Variants in CFAP54 observed in about 807,000 individuals in gnomAD.
CFAP54 encodes the protein cilia and flagella associated protein 54, also known as cilia- and flagella-associated protein 54.
In CFAP54, 290 loss-of-function variants were observed where a neutral mutation model predicts 370.4. The ratio of observed to expected loss-of-function variants is 0.78; its 90% CI spans 0.71 to 0.86. The LOEUF is 0.86. Ranked by LOEUF, CFAP54 falls within the 40% of genes least tolerant of loss-of-function variation. CFAP54 has a pLI of 0.00. For synonymous variants in CFAP54, 1,206 were observed against 1,236.5 expected (o/e 0.98, Z 0.52); for missense variants, 3,399 against 3,528.7 (o/e 0.96, Z 0.93).
intron 32 of CFAP54, 68 bp downstream of exon 32, chr12:96,630,719 G>A: frequency 2.0e-6 from 2 of 977,340 alleles, no homozygotes; most frequent in Non-Finnish European, 2.8e-6. Flanking sequence ...CATTATTTTG[G>A]GTACTAGGGA....
At position 96,651,754 on chromosome 12, in the gene CFAP54, A is replaced by G. The variant is rs1956860371; in HGVS notation, c.5039A>G (p.Tyr1680Cys). The G allele has an allele frequency of 6.2e-7, 1 of 1,613,610 alleles. No individual in the cohort carries two copies. The highest frequency in any genetic ancestry group is 8.5e-7 in the Non-Finnish European group (1 of 1,179,576). ...CTCTGCACCTCTGTTTTACCATTCTATTTGGGAGCAGAATTACTTATTGAC... is the reference window on the plus strand; with the variant it reads ...CTCTGCACCTCTGTTTTACCATTCTGTTTGGGAGCAGAATTACTTATTGAC... ...GFLCTSVLPF[Y>C]LGAELLIDML... Residue 1680 changes from tyrosine to cysteine, a missense_variant, in exon 36 of 68, where the codon TAT (tyrosine) becomes TGT (cysteine). By Grantham distance (194) the Tyr-to-Cys change is radical (BLOSUM62 -2). Transcript: ENST00000524981.
intron 67 of CFAP54, among the ~76,000 whole-genome samples, chr12:96,871,241 T>A (rs1479747429): frequency 6.6e-6 from 1 of 152,190 alleles, no homozygotes; most frequent in African/African-American, 2.4e-5. Context: ...AACAGCTGCA[T>A]GGTACTGGAG....
At chr12:96,794,837 G>A (rs1958742115) in intron 63 of CFAP54, among the ~76,000 whole-genome samples, 1 of 152,144 alleles carries the variant, frequency 6.6e-6, no homozygotes, top group South Asian at 2.1e-4. Context: ...TACCAGAATT[G>A]TTTTTCTGGT....
chr12:96,545,750 A>T (rs2136392639), intron 14 of CFAP54, among the ~76,000 whole-genome samples: 1 of 152,270 alleles, frequency 6.6e-6, no homozygotes, highest in South Asian at 2.1e-4. Context: ...CTTTTTGTCC[A>T]ATCGCATTTC....
chr12:96,686,645 C>T (rs1357403565), intron 42 of CFAP54, among the ~76,000 whole-genome samples: 2 of 152,122 alleles, frequency 1.3e-5, no homozygotes, highest in African/African-American at 4.8e-5. Flanking sequence ...GATGTGAACT[C>T]ACTCATCACC....
intron 63 of CFAP54, among the ~76,000 whole-genome samples, chr12:96,799,837 G>A (rs912471456): frequency 2.0e-5 from 3 of 152,122 alleles, no homozygotes; most frequent in Non-Finnish European, 2.9e-5. Context: ...ATCATAAATA[G>A]CATTTTTTAA....
intron 3 of CFAP54, 66 bp from the exon 4 acceptor site, chr12:96,506,862 C>A: frequency 7.2e-7 from 1 of 1,386,978 alleles, no homozygotes; most frequent in Non-Finnish European, 9.6e-7. Context: ...GCTGGGATTA[C>A]AGGTGTGAGC....
intron 17 of CFAP54, among the ~76,000 whole-genome samples, chr12:96,563,376 A>G (rs1955835143): frequency 6.6e-6 from 1 of 152,100 alleles, no homozygotes; most frequent in Non-Finnish European, 1.5e-5. Flanking sequence ...TGCCAGACTG[A>G]TGTTCCCTAC....
intron 59 of CFAP54, 48 bp from the exon 60 acceptor site, chr12:96,765,029 G>T: frequency 1.6e-6 from 2 of 1,287,046 alleles, no homozygotes; most frequent in South Asian, 2.6e-5. Context: ...GATAATCTAT[G>T]AATTAGAAAG....
At position 96,554,764 on chromosome 12, in the gene CFAP54, A is replaced by G. The variant is rs1955734743; in HGVS notation, c.2372A>G (p.Gln791Arg). The change falls in exon 17 of 68, where the codon CAG (glutamine) becomes CGG (arginine). Residue 791 changes from glutamine to arginine, a missense_variant. Coordinates refer to ENST00000524981, the MANE Select transcript of CFAP54 (RefSeq NM_001306084.2). ...MDLHLELIQA[Q>R]HRIAVVLLDK... is the part of the protein sequence containing the mutation. ...TTGCATCTTGAACTAATTCAAGCTC[A>G]GCATCGAATAGCTGTTGTGCTTCTG... The G allele has an allele frequency of 6.5e-7, 1 of 1,534,808 alleles. No homozygotes were observed. The highest frequency in any genetic ancestry group is 2.0e-5 in the Admixed American group (1 of 50,924).
At chr12:96,495,273 CTTCCTTCCTTCCTTCCTTCT>C (rs1485522691) in intron 1 of CFAP54, among the ~76,000 whole-genome samples, 12 of 79,612 alleles carry the variant, frequency 1.5e-4, no homozygotes, top group Non-Finnish European at 2.3e-4. Flanking sequence ...TCCTTCCTTC[CTTCCTTCCTTCCTTCCTTCT>C]TTCCTTCCTT....
chr12:96,593,413 G>A (rs1370129821), intron 24 of CFAP54, among the ~76,000 whole-genome samples: 1 of 151,910 alleles, frequency 6.6e-6, no homozygotes, highest in Non-Finnish European at 1.5e-5. Context: ...TGTTACATGG[G>A]ACTATGCCAG....
chr12:96,601,465 C>G (rs1468224625), intron 26 of CFAP54, among the ~76,000 whole-genome samples: 1 of 152,174 alleles, frequency 6.6e-6, no homozygotes, highest in East Asian at 1.9e-4. Context: ...TGATGCTGAC[C>G]TCACAAAATG....
Position 96,589,748 on chromosome 12 carries a change from T to C in CFAP54, c.3212+185T>C, listed in dbSNP as rs1274284686. Among the ~76,000 whole-genome samples, 8 of 152,060 alleles carry C rather than the reference T, an allele frequency of 5.3e-5. No homozygotes were observed. In the South Asian group the frequency reaches 1.4e-3, roughly 28 times the overall value. On this transcript the variant is annotated intron_variant, in intron 23 of 67. Transcript: ENST00000524981. ...TGTGCTTGTTAGAAACTTTCTTTCTTTCTTTCTTTCTTTTTTTTAATACTC... is the reference window on the plus strand; with the variant it reads ...TGTGCTTGTTAGAAACTTTCTTTCTCTCTTTCTTTCTTTTTTTTAATACTC...
In CFAP54 at chr12:96,643,168, A is replaced by G. The variant is rs1387920870; in HGVS notation, c.4317-1010A>G. Among the ~76,000 whole-genome samples, 7 of 152,328 alleles carry G rather than the reference A, an allele frequency of 4.6e-5. No homozygotes were observed. The South Asian group carries it at 1.5e-3, about 32-fold the overall frequency. On this transcript the variant is annotated intron_variant, in intron 32 of 67. Transcript: ENST00000524981. ...TAAAAAGATTCACATTTATTGGGAA[A>G]CCAAATAACATCACTAAAACCAACT... is the stretch of plus-strand genomic sequence containing the variant.
intron 9 of CFAP54, among the ~76,000 whole-genome samples, chr12:96,529,799 G>A (rs1955421365): frequency 6.6e-6 from 1 of 151,952 alleles, no homozygotes. Context: ...TTCTCTTAAT[G>A]ATATCCATTG....
intron 15 of CFAP54, among the ~76,000 whole-genome samples, chr12:96,552,825 C>T (rs1955709614): frequency 6.6e-6 from 1 of 152,118 alleles, no homozygotes; most frequent in Non-Finnish European, 1.5e-5. Flanking sequence ...AGGGGGGAAA[C>T]CTGGAACTAT....
chr12:96,649,918 A>G lies in CFAP54; in HGVS notation c.4718A>G (p.Asn1573Ser), dbSNP rs369812370. 8.2e-5 allele frequency: 132 copies of G among 1,602,688 alleles called. No homozygotes were observed. The African/African-American group carries it at 1.7e-3, about 20-fold the overall frequency. Reference sequence around the variant, plus strand: ...GCTGAAGAATTTTCTACATTTATTAATTCCATAATGAGTGATGAAAATATG... The same window carrying G: ...GCTGAAGAATTTTCTACATTTATTAGTTCCATAATGAGTGATGAAAATATG... ...SDAEEFSTFI[N>S]SIMSDENMSK... The change falls in exon 35 of 68, where the codon AAT becomes AGT. Residue 1573 changes from asparagine (N) to serine (S), a missense_variant. Transcript: ENST00000524981.
chr12:96,680,142 A>G (rs984009617), intron 40 of CFAP54, among the ~76,000 whole-genome samples: 1 of 152,354 alleles, frequency 6.6e-6, no homozygotes, highest in South Asian at 2.1e-4. Flanking sequence ...ACACTACTTT[A>G]TCAGTGGCAA....
Sources: allele counts gnomAD v4.1 joint callset (sites outside exome capture counted in the v4.1 genomes callset), GRCh38; gene constraint gnomAD v4.1.1; transcripts MANE v1.5; gene names NCBI Gene and HGNC (gene_info 2026-07-23, HGNC 2026-07-21).